The following RBFOX1 variants were observed in gnomAD, a reference collection of about 807,000 sequenced individuals.
RBFOX1 encodes the protein RNA binding fox-1 homolog 1, also known as RNA binding protein fox-1 homolog 1.
RBFOX1 carries 8 observed loss-of-function variants against 57.7 expected under a neutral mutation model. That is an observed-to-expected ratio of 0.14 (90% CI 0.08 to 0.25). The LOEUF is 0.25. Ranked by LOEUF, RBFOX1 falls within the 10% of genes least tolerant of loss-of-function variation. RBFOX1 has a pLI of 1.00. For synonymous variants in RBFOX1, 326 were observed against 222.4 expected, an observed-to-expected ratio of 1.47 and a Z score of -4.15; for missense variants, 611 against 548.5, an observed-to-expected ratio of 1.11 and a Z score of -1.14.
chr16:7,607,835 C>T (rs1226675701), intron 10 of RBFOX1, among the ~76,000 whole-genome samples: 3 of 152,194 alleles, frequency 2.0e-5, no homozygotes, highest in Non-Finnish European at 2.9e-5. Context: ...CGTCTTCGTT[C>T]ATTAATCAAA....
Position 5,554,917 on chromosome 16 carries a change from C to A in RBFOX1, c.259-43985C>A, listed in dbSNP as rs114781553. ...GACCTTGAGTGCAATTAGAAGTGACCACTTTCTGATTCAAGGGCAGGATGC... is the reference window on the plus strand; with the variant it reads ...GACCTTGAGTGCAATTAGAAGTGACAACTTTCTGATTCAAGGGCAGGATGC... On this transcript the variant is annotated intron_variant, in intron 2 of 2. Transcript: ENST00000585867. Among the ~76,000 whole-genome samples the A allele has an allele frequency of 6.7e-3, 1,023 of 152,292 alleles. 18 individuals carry two copies. Among genetic ancestry groups the A allele is most frequent in the African/African-American group, 0.023 (956 of 41,552 alleles).
intron 3 of RBFOX1, among the ~76,000 whole-genome samples, chr16:6,929,921 C>T (rs1231065529): frequency 1.3e-5 from 2 of 152,142 alleles, no homozygotes; most frequent in Non-Finnish European, 2.9e-5. Context: ...GGAAGGAAAA[C>T]ATCCACTATG....
chr16:7,246,631 TCC>T (rs1363981663), intron 4 of RBFOX1, among the ~76,000 whole-genome samples: 1 of 120,866 alleles, frequency 8.3e-6, no homozygotes, highest in African/African-American at 3.7e-5. Flanking sequence ...TATGGTCACC[TCC>T]TTTTTTTTTT....
At chr16:6,580,222 G>T (rs939086067) in intron 2 of RBFOX1, among the ~76,000 whole-genome samples, 7 of 152,172 alleles carry the variant, frequency 4.6e-5, no homozygotes, top group Non-Finnish European at 8.8e-5. Context: ...CTCCCAAAGT[G>T]CTGGGATTAC....
In RBFOX1 at chr16:7,125,642, C is replaced by A. The variant is rs546126990; in HGVS notation, c.27+73544C>A. Among the ~76,000 whole-genome samples, 52 of 152,172 alleles carry A rather than the reference C, an allele frequency of 3.4e-4. 1 individual carries two copies. In the South Asian group the frequency reaches 0.01, roughly 30 times the overall value. ...TAGAAGATGGATATCGTTAACTCTA[C>A]AGAGGAAGCTGAGGAACAGCAGCAA... On this transcript the variant is annotated intron_variant, in intron 4 of 15. Transcript: ENST00000550418.
At chr16:6,587,377 G>T (rs1200802019) in intron 2 of RBFOX1, among the ~76,000 whole-genome samples, 1 of 152,098 alleles carries the variant, frequency 6.6e-6, no homozygotes, top group African/African-American at 2.4e-5. Context: ...CGCCTCCCAG[G>T]ATCAAGCAAT....
At chr16:5,350,450 G>A (rs565379517) in intron 1 of RBFOX1, among the ~76,000 whole-genome samples, 1 of 152,260 alleles carries the variant, frequency 6.6e-6, no homozygotes, top group Admixed American at 6.5e-5. Context: ...TCAGAGTGAT[G>A]GTTAACAGTG....
At chr16:6,997,445 G>C (rs562199043) in intron 3 of RBFOX1, among the ~76,000 whole-genome samples, 7 of 152,164 alleles carry the variant, frequency 4.6e-5, no homozygotes, top group Middle Eastern at 6.8e-3. Flanking sequence ...TTATATCCAC[G>C]AGCATTGCAC....
Position 7,567,838 on chromosome 16 carries a change from T to C in RBFOX1, c.271-11939T>C, listed in dbSNP as rs1190747295. ...ATATATACCTATATATATCCCCATATATATACCTATATATATCCATATATA... is the reference window on the plus strand; with the variant it reads ...ATATATACCTATATATATCCCCATACATATACCTATATATATCCATATATA... On this transcript the variant is annotated intron_variant, in intron 5 of 15. Transcript: ENST00000550418. 2.0e-5 allele frequency among the ~76,000 whole-genome samples: 3 copies of C among 147,418 alleles called. No homozygotes were observed. In the South Asian group the frequency reaches 6.4e-4, roughly 32 times the overall value.
chr16:5,267,298 T>G (rs936355984), intron 1 of RBFOX1, among the ~76,000 whole-genome samples: 11 of 68,284 alleles, frequency 1.6e-4, no homozygotes, highest in African/African-American at 3.7e-4. Context: ...CACATAAGGG[T>G]TTTTTTTTCT....
intron 3 of RBFOX1, among the ~76,000 whole-genome samples, chr16:6,685,950 G>C (rs1481409132): frequency 2.6e-5 from 4 of 151,940 alleles, no homozygotes; most frequent in Non-Finnish European, 5.9e-5. Context: ...TGTACACTTA[G>C]GTTGATTCCA....
chr16:7,573,288 C>T (rs1169953386), intron 5 of RBFOX1, among the ~76,000 whole-genome samples: 1 of 152,154 alleles, frequency 6.6e-6, no homozygotes, highest in Non-Finnish European at 1.5e-5. Flanking sequence ...AGACAGGCAG[C>T]AGGCAAAGTG....
chr16:7,253,793 G>T (rs950587065), intron 4 of RBFOX1, among the ~76,000 whole-genome samples: 1 of 152,096 alleles, frequency 6.6e-6, no homozygotes, highest in Non-Finnish European at 1.5e-5. Context: ...GTTCATGATG[G>T]GAAGGAATCT....
At chr16:5,567,467 A>G (rs1470872658) in intron 2 of RBFOX1, among the ~76,000 whole-genome samples, 1 of 152,080 alleles carries the variant, frequency 6.6e-6, no homozygotes, top group African/African-American at 2.4e-5. Flanking sequence ...CAGACTGGGA[A>G]GCATGAAGCA....
chr16:5,512,291 A>C (rs1340979140), intron 2 of RBFOX1, among the ~76,000 whole-genome samples: 1 of 152,206 alleles, frequency 6.6e-6, no homozygotes, highest in Non-Finnish European at 1.5e-5. Flanking sequence ...GGCCAATTTC[A>C]TCAAATAGCG....
chr16:6,987,782 G>A (rs1013872804), intron 3 of RBFOX1, among the ~76,000 whole-genome samples: 1 of 152,150 alleles, frequency 6.6e-6, no homozygotes, highest in Non-Finnish European at 1.5e-5. Flanking sequence ...GAATAAGAAC[G>A]AACATTGTAA....
chr16:6,615,241 A>G (rs2098125423), intron 2 of RBFOX1, among the ~76,000 whole-genome samples: 1 of 152,188 alleles, frequency 6.6e-6, no homozygotes, highest in South Asian at 2.1e-4. Flanking sequence ...TTCCCAGTGG[A>G]TTTAGACTAG....
chr16:6,747,290 C>G lies in RBFOX1; in HGVS notation c.-16+92640C>G, dbSNP rs142832140. 6.1e-3 allele frequency among the ~76,000 whole-genome samples: 923 copies of G among 152,126 alleles called. 5 individuals carry two copies. Among genetic ancestry groups the G allele is most frequent in the Non-Finnish European group, 7.0e-3 (474 of 68,008 alleles). ...CTGGCATGGTGGTGTGTTTGAAATCCCAGCTACTCAAGAGGCTGAGGCAGG... is the reference window on the plus strand; with the variant it reads ...CTGGCATGGTGGTGTGTTTGAAATCGCAGCTACTCAAGAGGCTGAGGCAGG... On this transcript the variant is annotated intron_variant, in intron 3 of 15. Transcript: ENST00000550418.
At chr16:5,318,119 C>G (rs1461410662) in intron 1 of RBFOX1, among the ~76,000 whole-genome samples, 2 of 151,888 alleles carry the variant, frequency 1.3e-5, no homozygotes, top group South Asian at 2.1e-4. Context: ...GTTGTTTACA[C>G]CTACTGTTTT....
Sources: allele counts gnomAD v4.1 joint callset (sites outside exome capture counted in the v4.1 genomes callset), GRCh38; gene constraint gnomAD v4.1.1; transcripts MANE v1.5; gene names NCBI Gene and HGNC (gene_info 2026-07-23, HGNC 2026-07-21).